The following AGO3 variants were observed in gnomAD, a reference collection of about 807,000 sequenced individuals.
AGO3 encodes protein argonaute-3.
In AGO3, 16 loss-of-function variants were observed where a neutral mutation model predicts 105.5. The observed-to-expected ratio is 0.15, with a 90% CI of 0.10 to 0.23. The LOEUF is 0.23. Among genes scored for constraint, AGO3 ranks in the 10% least tolerant of loss-of-function variants. The probability of loss-of-function intolerance (pLI) is 1.00; values close to 1 mark genes in which losing one functional copy is unlikely to be tolerated. For synonymous variants in AGO3, 340 were observed against 367.3 expected, an observed-to-expected ratio of 0.93 and a Z score of 0.85; for missense variants, 534 against 1,088.0, an observed-to-expected ratio of 0.49 and a Z score of 7.16.
intron 11 of AGO3, among the ~76,000 whole-genome samples, chr1:36,022,277 G>C (rs1251206408): frequency 1.3e-5 from 2 of 151,812 alleles, no homozygotes; most frequent in Non-Finnish European, 2.9e-5. Flanking sequence ...ATGTTGCCCA[G>C]GCTAGTTTCA....
rs576178184 is a variant in AGO3 at position 36,040,109 on chromosome 1, A to G, written c.2037+125A>G. 24 of 1,236,392 alleles carry G rather than the reference A, an allele frequency of 1.9e-5. No homozygotes were observed. The African/African-American group carries it at 3.5e-4, about 18-fold the overall frequency. The allele number at this position is 1,236,392 out of a possible 1,614,324, so 76.6% of individuals were successfully genotyped here. The stretch of plus-strand genomic sequence containing the variant: ...AAGTCAAAACTTGGTGTTTTGTTAG[A>G]TTGTCTTTTTGAAAATGTTCACTAC... On this transcript the variant is annotated intron_variant, in intron 15 of 18. Coordinates refer to ENST00000373191, the MANE Select transcript of AGO3 (RefSeq NM_024852.4).
At chr1:36,018,232 A>T (rs1641010130) in intron 11 of AGO3, among the ~76,000 whole-genome samples, 1 of 151,950 alleles carries the variant, frequency 6.6e-6, no homozygotes, top group African/African-American at 2.4e-5. Context: ...TCGGCCTCCC[A>T]AACTGCTGAG....
chr1:35,945,701 G>T lies in AGO3; in HGVS notation c.29G>T (p.Gly10Val), dbSNP rs141269853. The change falls in exon 2 of 19, where the codon GGG becomes GTG. Residue 10 changes from glycine (G) to valine (V), a missense_variant. Around this residue, in one of 2 missense-constraint regions of AGO3, gnomAD observed 161 missense variants for 234.0 expected, o/e 0.69. Coordinates refer to ENST00000373191, the MANE Select transcript of AGO3 (RefSeq NM_024852.4). Reference sequence around the variant, plus strand: ...CCCTTTCCCCTGGCAGGACCCGCTGGGGCCCAGCCCCTACTCATGGTGCCC... The same window carrying T: ...CCCTTTCCCCTGGCAGGACCCGCTGTGGCCCAGCCCCTACTCATGGTGCCC... MEIGSAGPA[G>V]AQPLLMVPRR... 6.2e-6 allele frequency: 10 copies of T among 1,611,176 alleles called. No homozygotes were observed. Among genetic ancestry groups the T allele is most frequent in the Non-Finnish European group, 8.5e-6 (10 of 1,179,538 alleles).
At chr1:36,032,534 A>G (rs1641826165) in intron 12 of AGO3, among the ~76,000 whole-genome samples, 1 of 151,890 alleles carries the variant, frequency 6.6e-6, no homozygotes, top group South Asian at 2.1e-4. Context: ...AGCACATACC[A>G]TCATGCCTGG....
At chr1:36,030,990 T>C (rs1641748991) in intron 12 of AGO3, among the ~76,000 whole-genome samples, 1 of 152,174 alleles carries the variant, frequency 6.6e-6, no homozygotes, top group African/African-American at 2.4e-5. Context: ...ATTTTTCCCT[T>C]CTGTACCTTA....
chr1:35,967,143 C>A, intron 3 of AGO3, 68 bp downstream of exon 3: 2 of 1,525,822 alleles, frequency 1.3e-6, no homozygotes, highest in South Asian at 2.5e-5. Flanking sequence ...GCATTTATTA[C>A]CATTTTTATT....
At chr1:36,046,970 C>T (rs1469975969) in intron 17 of AGO3, among the ~76,000 whole-genome samples, 1 of 151,766 alleles carries the variant, frequency 6.6e-6, no homozygotes, top group Non-Finnish European at 1.5e-5. Context: ...GCAGGCCGGC[C>T]GCAGTGGCTC....
Position 35,945,842 on chromosome 1 carries a change from A to G in AGO3, c.170A>G (p.Lys57Arg), listed in dbSNP as rs1218492912. 1.9e-6 allele frequency: 3 copies of G among 1,613,690 alleles called. No individual in the cohort carries two copies. Among genetic ancestry groups the G allele is most frequent in the Non-Finnish European group, 2.5e-6 (3 of 1,179,936 alleles). Residue 57 changes from lysine to arginine, a missense_variant, in exon 2 of 19, where the codon AAG becomes AGG. Physicochemically the swap from Lys to Arg is conservative, Grantham distance 26. Around this residue, in one of 2 missense-constraint regions of AGO3, gnomAD observed 161 missense variants for 234.0 expected, o/e 0.69. Transcript: ENST00000373191. ...YLYEVDIKPDKCPRRVNREVV... is the reference protein window; with the variant it reads ...YLYEVDIKPDRCPRRVNREVV... ...TATGAGGTAGATATTAAACCAGACA[A>G]GTGTCCTAGGAGAGTGAACAGGTAA...
intron 5 of AGO3, among the ~76,000 whole-genome samples, chr1:35,975,019 A>G (rs1473282426): frequency 3.3e-5 from 5 of 152,070 alleles, no homozygotes; most frequent in African/African-American, 9.7e-5. Flanking sequence ...ATATTTAACC[A>G]GTTTTCTTTA....
At chr1:35,999,808 A>C (rs1640001392) in intron 5 of AGO3, among the ~76,000 whole-genome samples, 1 of 152,072 alleles carries the variant, frequency 6.6e-6, no homozygotes, top group East Asian at 1.9e-4. Context: ...AAGAGTAATA[A>C]TTTTGTTTCT....
intron 13 of AGO3, among the ~76,000 whole-genome samples, chr1:36,035,719 A>G (rs1443926457): frequency 1.3e-5 from 2 of 152,194 alleles, no homozygotes; most frequent in Non-Finnish European, 2.9e-5. Context: ...ACTATTTTAG[A>G]TAAAATTCTG....
At position 36,060,138 on chromosome 1, in the gene AGO3, G is replaced by A. The variant is rs989588673; in HGVS notation, c.*4393G>A. Reference sequence around the variant, plus strand: ...AGTGTTTTGGAAGGCACTTGATAGAGGCATCTCTGCTTTCCAGCACAGGGA... The same window carrying A: ...AGTGTTTTGGAAGGCACTTGATAGAAGCATCTCTGCTTTCCAGCACAGGGA... On this transcript the variant is annotated 3_prime_UTR_variant, in exon 19 of 19. Transcript: ENST00000373191. 1 of 152,196 alleles carries A rather than the reference G, an allele frequency of 6.6e-6. No individual in the cohort carries two copies. The allele number at this position is 152,196 out of a possible 1,614,324, so 9.4% of individuals were successfully genotyped here.
rs188408657 is a variant in AGO3, at chr1:36,065,492, C to A, written c.*9747C>A. On this transcript the variant is annotated 3_prime_UTR_variant, in exon 19 of 19. Coordinates refer to ENST00000373191, the MANE Select transcript of AGO3 (RefSeq NM_024852.4). ...GTGTGGTGGCACACGCCTGTAGTCC[C>A]AGCTACTTGGGAGGCTGAGGCAGGA... 2.4e-3 allele frequency: 362 copies of A among 152,420 alleles called. 1 individual carries two copies. The highest frequency in any genetic ancestry group is 8.3e-3 in the African/African-American group (344 of 41,534). 9.4% of individuals were successfully genotyped at this position (152,420 alleles called of 1,614,324 possible).
Position 36,054,311 on chromosome 1 carries a change from C to T in AGO3, c.2275-635C>T, listed in dbSNP as rs1642841931. On this transcript the variant is annotated intron_variant, in intron 17 of 18. Coordinates refer to ENST00000373191, the MANE Select transcript of AGO3 (RefSeq NM_024852.4). ...TTATTGAGACAAAGTTTCACTATGT[C>T]ACCCAGGCTGGAGTGCAATGATGGG... Among the ~76,000 whole-genome samples the T allele has an allele frequency of 2.6e-5, 4 of 151,952 alleles. No homozygotes were observed. The South Asian group carries it at 8.3e-4, about 31-fold the overall frequency.
chr1:36,006,554 G>A (rs1640342152), intron 6 of AGO3, among the ~76,000 whole-genome samples: 1 of 151,934 alleles, frequency 6.6e-6, no homozygotes, highest in South Asian at 2.1e-4. Context: ...ATTTGTTTTA[G>A]ACTTTTCTAT....
In AGO3 at chr1:35,931,362, G is replaced by GGCCGCCTCCTT; in HGVS notation, c.-58_-48dup. On this transcript the variant is annotated 5_prime_UTR_variant, in exon 1 of 19. Transcript: ENST00000373191. Reference sequence around the variant, plus strand: ...TCGCGTCGCGCCGCGTCGCCCCCCGGGCCGCCTCCTTGCCGCCAGTGGCGG... The same window carrying GGCCGCCTCCTT: ...TCGCGTCGCGCCGCGTCGCCCCCCGGGCCGCCTCCTTGCCGCCTCCTTGCCGCCAGTGGCGG... 7.2e-7 allele frequency: 1 copy of GGCCGCCTCCTT among 1,392,990 alleles called. No homozygotes were observed. The highest frequency in any genetic ancestry group is 9.4e-7 in the Non-Finnish European group (1 of 1,066,716). 86.3% of individuals were successfully genotyped at this position (1,392,990 alleles called of 1,614,324 possible).
At chr1:35,934,094 T>G (rs1344965331) in intron 1 of AGO3, among the ~76,000 whole-genome samples, 2 of 152,180 alleles carry the variant, frequency 1.3e-5, no homozygotes, top group Admixed American at 1.3e-4. Flanking sequence ...TGAAACACCG[T>G]TTTTTATGGT....
chr1:35,947,403 C>T (rs764471914), intron 2 of AGO3, among the ~76,000 whole-genome samples: 23 of 152,216 alleles, frequency 1.5e-4, no homozygotes, highest in Non-Finnish European at 2.5e-4. Context: ...AAGAGTAGTG[C>T]CCTACTCTTC....
chr1:35,986,856 C>T (rs527534287), intron 5 of AGO3, among the ~76,000 whole-genome samples: 5 of 151,218 alleles, frequency 3.3e-5, no homozygotes, highest in South Asian at 4.2e-4. Flanking sequence ...ATTAACCAGG[C>T]GTGATGGTGC....
Sources: gnomAD v4.1 joint callset for allele counts (sites outside exome capture counted in the v4.1 genomes callset) on GRCh38, gnomAD v4.1.1 for gene constraint, gnomAD v4.1.1 regional missense constraint, MANE v1.5 for transcripts, NCBI Gene and HGNC (gene_info 2026-07-23, HGNC 2026-07-21) for gene names.